The following FRMPD1 variants were observed in gnomAD, a reference collection of about 807,000 sequenced individuals.
The protein encoded by FRMPD1 is FERM and PDZ domain containing 1, also known as FERM and PDZ domain-containing protein 1.
Under a neutral mutation model 117.8 loss-of-function variants are expected in FRMPD1, and 76 were observed. That is an observed-to-expected ratio of 0.65 (90% CI 0.54 to 0.78). The LOEUF (loss-of-function observed/expected upper bound fraction) is 0.78. Among genes scored for constraint, FRMPD1 ranks in the 30% least tolerant of loss-of-function variants. The probability of loss-of-function intolerance (pLI) is 0.00; values close to 1 mark genes in which losing one functional copy is unlikely to be tolerated. For synonymous variants in FRMPD1, 783 were observed against 770.4 expected (o/e 1.02, Z -0.27); for missense variants, 1,786 against 1,964.5 (o/e 0.91, Z 1.72).
At chr9:37,689,179 G>A (rs550956038) in intron 1 of FRMPD1, among the ~76,000 whole-genome samples, 2 of 151,988 alleles carry the variant, frequency 1.3e-5, no homozygotes, top group South Asian at 2.1e-4. Context: ...TGATAAATGA[G>A]GATTTAGCTC....
intron 1 of FRMPD1, among the ~76,000 whole-genome samples, chr9:37,652,988 G>A (rs1330834711): frequency 6.6e-6 from 1 of 152,222 alleles, no homozygotes; most frequent in Non-Finnish European, 1.5e-5. Context: ...GAAAGGCTAT[G>A]TGTAGGTCAA....
the FRMPD1 span, among the ~76,000 whole-genome samples, chr9:37,630,750 C>T: frequency 6.6e-6 from 1 of 152,170 alleles, no homozygotes; most frequent in Non-Finnish European, 1.5e-5. Context: ...TCACCATGGA[C>T]AGTGTGCATC....
At chr9:37,682,432 T>A (rs1466023082) in intron 1 of FRMPD1, among the ~76,000 whole-genome samples, 1 of 152,214 alleles carries the variant, frequency 6.6e-6, no homozygotes, top group Non-Finnish European at 1.5e-5. Flanking sequence ...CCTGGAAGAC[T>A]TAAGTGACAA....
chr9:37,710,041 G>A (rs1043873413), intron 4 of FRMPD1, among the ~76,000 whole-genome samples: 2 of 152,168 alleles, frequency 1.3e-5, no homozygotes, highest in South Asian at 2.1e-4. Context: ...GTATTATTCA[G>A]TGTCACGTGT....
At chr9:37,637,963 G>GCTTGCTTT in the FRMPD1 span, among the ~76,000 whole-genome samples, 256 of 100,130 alleles carry the variant, frequency 2.6e-3, 34 homozygotes, top group Middle Eastern at 5.1e-3. Context: ...AATGGTGTAT[G>GCTTGCTTT]CTTTCTTTCT....
intron 1 of FRMPD1, among the ~76,000 whole-genome samples, chr9:37,676,872 T>A (rs914644301): frequency 2.0e-5 from 3 of 152,162 alleles, no homozygotes; most frequent in African/African-American, 7.2e-5. Context: ...TGCCTTATAT[T>A]GGTTAGGAGT....
At chr9:37,741,209 A>G (rs1824398148) in intron 15 of FRMPD1, among the ~76,000 whole-genome samples, 1 of 152,002 alleles carries the variant, frequency 6.6e-6, no homozygotes, top group Admixed American at 6.6e-5. Context: ...GCTTGACAGG[A>G]GTGCCCGGCA....
At chr9:37,743,661 A>G (rs1375361375) in intron 15 of FRMPD1, among the ~76,000 whole-genome samples, 7 of 149,546 alleles carry the variant, frequency 4.7e-5, no homozygotes, top group African/African-American at 1.7e-4. Context: ...CATTGGGGAG[A>G]TGTCATTCCC....
intron 1 of FRMPD1, among the ~76,000 whole-genome samples, chr9:37,678,654 A>G (rs1354144844): frequency 6.6e-6 from 1 of 152,214 alleles, no homozygotes; most frequent in Non-Finnish European, 1.5e-5. Flanking sequence ...CCACAAGAGT[A>G]GTGATTTTTG....
At chr9:37,680,061 G>A (rs534639737) in intron 1 of FRMPD1, among the ~76,000 whole-genome samples, 6 of 152,284 alleles carry the variant, frequency 3.9e-5, no homozygotes, top group East Asian at 1.9e-4. Context: ...TCTTCTACTA[G>A]GAGTGGCCTG....
intron 1 of FRMPD1, among the ~76,000 whole-genome samples, chr9:37,682,465 C>T (rs926135050): frequency 1.3e-5 from 2 of 152,202 alleles, no homozygotes; most frequent in African/African-American, 2.4e-5. Context: ...TTACAATTGG[C>T]AGATACTTAG....
intron 14 of FRMPD1, among the ~76,000 whole-genome samples, chr9:37,737,556 G>A (rs534686732): frequency 1.3e-5 from 2 of 152,262 alleles, no homozygotes; most frequent in South Asian, 4.2e-4. Flanking sequence ...AGGCATTGTG[G>A]CTCACGCCTG....
At chr9:37,697,324 G>A (rs548292316) in intron 2 of FRMPD1, among the ~76,000 whole-genome samples, 25 of 152,218 alleles carry the variant, frequency 1.6e-4, no homozygotes, top group African/African-American at 5.8e-4. Context: ...ACTCGGCCAG[G>A]CCCAGTGGTT....
At chr9:37,710,411 A>G (rs978990331) in intron 4 of FRMPD1, among the ~76,000 whole-genome samples, 1 of 152,236 alleles carries the variant, frequency 6.6e-6, no homozygotes, top group Non-Finnish European at 1.5e-5. Flanking sequence ...GGCCGCTAAT[A>G]TAAAGTAGAG....
chr9:37,742,219 T>C (rs1265109676), intron 15 of FRMPD1, among the ~76,000 whole-genome samples: 2 of 152,200 alleles, frequency 1.3e-5, no homozygotes, highest in Admixed American at 6.5e-5. Flanking sequence ...ATGGCCAGAC[T>C]CCTTACTGCT....
At chr9:37,695,070 G>A (rs1235235449) in intron 2 of FRMPD1, among the ~76,000 whole-genome samples, 3 of 152,044 alleles carry the variant, frequency 2.0e-5, no homozygotes, top group Non-Finnish European at 4.4e-5. Context: ...GTGAACATTT[G>A]AGTTGTTTTT....
At chr9:37,741,268 G>T (rs556634242) in intron 15 of FRMPD1, among the ~76,000 whole-genome samples, 1 of 152,108 alleles carries the variant, frequency 6.6e-6, no homozygotes, top group Admixed American at 6.5e-5. Context: ...ATTAAAGGAG[G>T]CCTTGAAGCA....
intron 10 of FRMPD1, among the ~76,000 whole-genome samples, chr9:37,732,919 C>G (rs1823954446): frequency 6.6e-6 from 1 of 152,212 alleles, no homozygotes; most frequent in African/African-American, 2.4e-5. Flanking sequence ...GATCTCAGCT[C>G]TGTCCTGCCT....
chr9:37,637,255 C>A, the FRMPD1 span: 14 of 1,609,154 alleles, frequency 8.7e-6, no homozygotes, highest in Middle Eastern at 3.4e-4. Flanking sequence ...AGTCGCCAAT[C>A]AAAAGCAGCT....
Sources: gnomAD v4.1 joint callset for allele counts (sites outside exome capture counted in the v4.1 genomes callset) on GRCh38, gnomAD v4.1.1 for gene constraint, MANE v1.5 for transcripts, NCBI Gene and HGNC (gene_info 2026-07-23, HGNC 2026-07-21) for gene names.